HMCN1: variants seen among roughly 807,000 people sequenced by gnomAD.
HMCN1 encodes hemicentin-1.
HMCN1 carries 321 observed loss-of-function variants against 625.9 expected under a neutral mutation model. The observed-to-expected ratio is 0.51, with a 90% confidence interval of 0.47 to 0.56. The LOEUF (loss-of-function observed/expected upper bound fraction) is 0.56, where lower values mean the gene tolerates loss of function less well. HMCN1 is among the 20% of genes least tolerant of loss of function. The probability of loss-of-function intolerance (pLI) is 0.00; values close to 1 mark genes in which losing one functional copy is unlikely to be tolerated. For synonymous variants in HMCN1, 2,425 were observed against 2,417.6 expected (o/e 1.00, Z -0.09); for missense variants, 6,588 against 6,887.3 (o/e 0.96, Z 1.54).
At chr1:185,933,355 C>G (rs1667648928) in intron 10 of HMCN1, among the ~76,000 whole-genome samples, 194 bp from the exon 11 acceptor site, 1 of 152,074 alleles carries the variant, frequency 6.6e-6, no homozygotes, top group Non-Finnish European at 1.5e-5. Context: ...TAAATGTGTA[C>G]TACTTTCTAA....
chr1:186,120,471 T>C (rs1292988029), intron 80 of HMCN1, among the ~76,000 whole-genome samples: 1 of 152,210 alleles, frequency 6.6e-6, no homozygotes, highest in Non-Finnish European at 1.5e-5. Context: ...CTTGGATACA[T>C]TACAAAACAC....
chr1:186,119,343 A>G, intron 78 of HMCN1, 45 bp downstream of exon 78: 1 of 1,365,484 alleles, frequency 7.3e-7, no homozygotes. Context: ...GGGTTTGGGG[A>G]GGTTTTTTAG....
chr1:185,810,870 A>T (rs535731142), intron 1 of HMCN1, among the ~76,000 whole-genome samples: 3 of 152,176 alleles, frequency 2.0e-5, no homozygotes, highest in South Asian at 2.1e-4. Flanking sequence ...ATGGTTTTAT[A>T]AAAAAAATTC....
intron 57 of HMCN1, among the ~76,000 whole-genome samples, chr1:186,085,160 T>C (rs980591118): frequency 2.0e-5 from 3 of 152,152 alleles, no homozygotes; most frequent in Admixed American, 6.6e-5. Context: ...TCGTTTTGTG[T>C]CTACACTATA....
chr1:185,855,427 T>C (rs538904842), intron 2 of HMCN1, among the ~76,000 whole-genome samples: 72 of 152,328 alleles, frequency 4.7e-4, no homozygotes, highest in African/African-American at 1.6e-3. Context: ...GCCTGCTTCT[T>C]CTTTTTATTC....
Position 186,137,559 on chromosome 1 carries a change from C to T in HMCN1, c.13644C>T (p.Gly4548=). ...CCTGCAGTGTCACCTGTGGAAAAGG[C>T]ATCCAAAAGAGGAGTCGTCTGTGCA... The part of the protein sequence containing the change: ...WRACSVTCGK[G]IQKRSRLCNQ... The change falls in exon 88 of 107, where the codon GGC becomes GGT. Residue 4548 remains glycine (G), a synonymous_variant. Coordinates refer to ENST00000271588, the MANE Select transcript of HMCN1 (RefSeq NM_031935.3). 1 of 1,613,840 alleles carries T rather than the reference C, an allele frequency of 6.2e-7. No individual in the cohort carries two copies. The highest frequency in any genetic ancestry group is 8.5e-7 in the Non-Finnish European group (1 of 1,179,916).
chr1:186,096,866 A>C (rs1660161306), intron 68 of HMCN1, among the ~76,000 whole-genome samples: 1 of 152,186 alleles, frequency 6.6e-6, no homozygotes, highest in Non-Finnish European at 1.5e-5. Context: ...AACCCTCAAC[A>C]AATTAGGGAT....
intron 105 of HMCN1, among the ~76,000 whole-genome samples, chr1:186,184,082 G>C (rs1218541290): frequency 6.6e-6 from 1 of 152,006 alleles, no homozygotes; most frequent in East Asian, 1.9e-4. Context: ...AATTGCCTTT[G>C]TCACTCACTT....
At chr1:185,914,711 T>G (rs1324363283) in intron 6 of HMCN1, among the ~76,000 whole-genome samples, 1 of 151,936 alleles carries the variant, frequency 6.6e-6, no homozygotes, top group East Asian at 1.9e-4. Context: ...TTCATCAAAC[T>G]TTGTCAGATT....
chr1:186,106,755 T>C, intron 69 of HMCN1, 129 bp from the exon 70 acceptor site: 1 of 730,012 alleles, frequency 1.4e-6, no homozygotes, highest in East Asian at 2.5e-5. Context: ...CTAATCGTAG[T>C]GTTAAACAGT....
chr1:185,775,343 T>C (rs185264019), intron 1 of HMCN1, among the ~76,000 whole-genome samples: 1 of 152,262 alleles, frequency 6.6e-6, no homozygotes, highest in East Asian at 1.9e-4. Context: ...TTCGAGACTG[T>C]AGTGTGCTAT....
chr1:185,978,282 G>T, intron 16 of HMCN1: 1 of 284,986 alleles, frequency 3.5e-6, no homozygotes. Context: ...ATAGATAAGT[G>T]GTCACATTAC....
chr1:186,047,418 C>T (rs921786429), intron 41 of HMCN1, among the ~76,000 whole-genome samples: 4 of 152,084 alleles, frequency 2.6e-5, no homozygotes, highest in African/African-American at 7.2e-5. Context: ...AAGTTCGTCA[C>T]GTTGAGGGGT....
intron 24 of HMCN1, among the ~76,000 whole-genome samples, chr1:185,996,566 G>T (rs957700984): frequency 6.6e-6 from 1 of 152,148 alleles, no homozygotes. Context: ...AGTTTTAAAA[G>T]TCACTCTTTT....
At chr1:185,772,454 A>T (rs1476448443) in intron 1 of HMCN1, among the ~76,000 whole-genome samples, 1 of 152,144 alleles carries the variant, frequency 6.6e-6, no homozygotes, top group African/African-American at 2.4e-5. Flanking sequence ...AACATGGGTA[A>T]TGAACTTCAT....
At chr1:185,792,722 C>A (rs1182646409) in intron 1 of HMCN1, among the ~76,000 whole-genome samples, 3 of 152,124 alleles carry the variant, frequency 2.0e-5, no homozygotes, top group Non-Finnish European at 4.4e-5. Flanking sequence ...AGCTCACAAT[C>A]GCTTCTTGGT....
chr1:185,756,844 T>C (rs905577914), intron 1 of HMCN1, among the ~76,000 whole-genome samples: 2 of 152,194 alleles, frequency 1.3e-5, no homozygotes, highest in Non-Finnish European at 2.9e-5. Context: ...TATCATTTTT[T>C]TTTTTTACTT....
At chr1:186,124,729 T>G (rs1661564164) in intron 81 of HMCN1, among the ~76,000 whole-genome samples, 1 of 152,088 alleles carries the variant, frequency 6.6e-6, no homozygotes. Context: ...AGCAATTTTA[T>G]TTTTGCTAAG....
intron 52 of HMCN1, among the ~76,000 whole-genome samples, chr1:186,073,201 A>T (rs1016636300): frequency 3.3e-5 from 5 of 152,160 alleles, no homozygotes; most frequent in Non-Finnish European, 4.4e-5. Flanking sequence ...TGAAAAAGGT[A>T]CTTCAAAATG....
Sources: gnomAD v4.1 joint callset for allele counts (sites outside exome capture counted in the v4.1 genomes callset) on GRCh38, gnomAD v4.1.1 for gene constraint, MANE v1.5 for transcripts, NCBI Gene and HGNC (gene_info 2026-07-23, HGNC 2026-07-21) for gene names.